The following DMXL1 variants were observed in gnomAD, a reference collection of about 807,000 sequenced individuals.
The protein encoded by DMXL1 is dmX-like protein 1.
A neutral mutation model predicts 319.2 loss-of-function variants in DMXL1; 99 were observed. That is an observed-to-expected ratio of 0.31 (90% CI 0.26 to 0.37). The LOEUF (loss-of-function observed/expected upper bound fraction) is 0.37. Among genes scored for constraint, DMXL1 ranks in the 10% least tolerant of loss-of-function variants. DMXL1 has a pLI of 1.00. For synonymous variants in DMXL1, 1,385 were observed against 1,235.2 expected (o/e 1.12, Z -2.54); for missense variants, 3,745 against 3,595.6 (o/e 1.04, Z -1.06).
chr5:119,169,298 C>G (rs944976952), intron 23 of DMXL1, among the ~76,000 whole-genome samples: 3 of 152,040 alleles, frequency 2.0e-5, no homozygotes, highest in African/African-American at 7.2e-5. Context: ...AAGAAAATTG[C>G]AAAAAATAAT....
At chr5:119,140,791 G>GACAC (rs756798939) in intron 13 of DMXL1, among the ~76,000 whole-genome samples, 19 of 151,886 alleles carry the variant, frequency 1.3e-4, no homozygotes, top group Non-Finnish European at 2.6e-4. Flanking sequence ...AAACCTGGCA[G>GACAC]ACACACACAC....
At chr5:119,179,585 T>C (rs932427650) in intron 28 of DMXL1, among the ~76,000 whole-genome samples, 5 of 152,182 alleles carry the variant, frequency 3.3e-5, no homozygotes, top group African/African-American at 1.2e-4. Context: ...TGAATGAAGC[T>C]ATATTAAAAA....
chr5:119,210,413 A>G (rs1782545546), intron 34 of DMXL1, among the ~76,000 whole-genome samples: 1 of 152,206 alleles, frequency 6.6e-6, no homozygotes, highest in Admixed American at 6.5e-5. Flanking sequence ...TCAGTATTAC[A>G]TTTAGGTCTA....
chr5:119,210,978 G>T (rs1292857247), intron 34 of DMXL1, among the ~76,000 whole-genome samples: 3 of 150,202 alleles, frequency 2.0e-5, no homozygotes, highest in African/African-American at 7.3e-5. Flanking sequence ...TTTTCATAAG[G>T]AAAGGATGTT....
At chr5:119,132,446 C>T (rs1307344583) in intron 10 of DMXL1, among the ~76,000 whole-genome samples, 13 of 151,948 alleles carry the variant, frequency 8.6e-5, no homozygotes, top group Non-Finnish European at 1.5e-5. Flanking sequence ...TTTGGGAGGC[C>T]GAGGCAGGTG....
intron 5 of DMXL1, 151 bp from the exon 6 acceptor site, chr5:119,114,324 T>G: frequency 1.6e-6 from 1 of 631,260 alleles, no homozygotes; most frequent in Non-Finnish European, 2.8e-6. Flanking sequence ...TCTTACTAAC[T>G]AGTTCATTTT....
At chr5:119,100,652 A>T (rs1225619593) in intron 2 of DMXL1, 1 of 150,708 alleles carries the variant, frequency 6.6e-6, no homozygotes, top group Non-Finnish European at 1.5e-5. Flanking sequence ...CCTGGCTCAG[A>T]TCTGCCTTTT....
In DMXL1 at chr5:119,097,649, G is replaced by A. The variant is rs1011834495; in HGVS notation, c.88-330G>A. Among the ~76,000 whole-genome samples, 6 of 152,126 alleles carry A rather than the reference G, an allele frequency of 3.9e-5. No individual in the cohort carries two copies. The East Asian group carries it at 5.8e-4, about 15-fold the overall frequency. The stretch of plus-strand genomic sequence containing the variant: ...GGAGAATGGCGTGAACCTGGGAGGC[G>A]GAACTTGGAGTGAGCCGAGATTGCG... On this transcript the variant is annotated intron_variant, in intron 1 of 43. Transcript: ENST00000539542.
chr5:119,233,329 T>C lies in DMXL1; in HGVS notation c.8339-11T>C. On this transcript the variant is annotated splice_polypyrimidine_tract_variant and intron_variant, in intron 38 of 43. Coordinates refer to ENST00000539542, the MANE Select transcript of DMXL1 (RefSeq NM_001290321.3). ...AAATAAATCTGCAATTTTTGCCCTC[T>C]TGTAATGCAGATCTGACAGGAGCTC... The C allele has an allele frequency of 6.2e-7, 1 of 1,608,880 alleles. No individual in the cohort carries two copies. The highest frequency in any genetic ancestry group is 2.2e-5 in the East Asian group (1 of 44,694).
chr5:119,147,864 T>A (rs563729112), intron 17 of DMXL1, among the ~76,000 whole-genome samples: 1 of 152,144 alleles, frequency 6.6e-6, no homozygotes. Context: ...GAGCAGTGGT[T>A]TTCAAAGTGT....
At chr5:119,226,362 T>A (rs1196557186) in intron 38 of DMXL1, among the ~76,000 whole-genome samples, 1 of 152,218 alleles carries the variant, frequency 6.6e-6, no homozygotes, top group African/African-American at 2.4e-5. Flanking sequence ...ACAGGATTTT[T>A]AAAAATATTA....
intron 1 of DMXL1, among the ~76,000 whole-genome samples, chr5:119,078,380 A>G (rs1241319965): frequency 6.6e-6 from 1 of 152,208 alleles, no homozygotes; most frequent in African/African-American, 2.4e-5. Flanking sequence ...GACCATTTAT[A>G]TGGACTTGGA....
intron 41 of DMXL1, 69 bp downstream of exon 41, chr5:119,239,149 T>C (rs1788296646): frequency 6.6e-7 from 1 of 1,518,504 alleles, no homozygotes; most frequent in Non-Finnish European, 9.0e-7. Context: ...GTTTCTGTCC[T>C]TGTGTTTGAC....
Position 119,170,856 on chromosome 5 carries a change from A to T in DMXL1, c.6065A>T (p.Asp2022Val). ...DENDLLNPSE[D>V]IIAVQLKFRA... ...AATGACCTTTTAAATCCATCAGAAGATATAATTGCAGTTCAGTTAAAATTT... is the reference window on the plus strand; with the variant it reads ...AATGACCTTTTAAATCCATCAGAAGTTATAATTGCAGTTCAGTTAAAATTT... The change falls in exon 24 of 44, where the codon GAT (aspartate) becomes GTT (valine). Residue 2022 changes from aspartate (D) to valine (V), a missense_variant. Coordinates refer to ENST00000539542, the MANE Select transcript of DMXL1 (RefSeq NM_001290321.3). 6.2e-7 allele frequency: 1 copy of T among 1,612,456 alleles called. No individual in the cohort carries two copies. The highest frequency in any genetic ancestry group is 8.5e-7 in the Non-Finnish European group (1 of 1,179,622).
At chr5:119,190,509 CA>C in intron 29 of DMXL1, among the ~76,000 whole-genome samples, 1 of 152,292 alleles carries the variant, frequency 6.6e-6, no homozygotes, top group East Asian at 1.9e-4. Context: ...GCAAAGCATG[CA>C]GTTGTTTTGC....
At chr5:119,199,062 A>T (rs1395863830) in intron 32 of DMXL1, among the ~76,000 whole-genome samples, 1 of 151,888 alleles carries the variant, frequency 6.6e-6, no homozygotes, top group Non-Finnish European at 1.5e-5. Flanking sequence ...AATTTTTTGT[A>T]TTTTTTGTAG....
At position 119,101,887 on chromosome 5, in the gene DMXL1, T is replaced by G. The variant is rs112134776; in HGVS notation, c.214-48T>G. The G allele has an allele frequency of 5.9e-3, 7,521 of 1,268,530 alleles. 322 individuals are homozygous for G. The African/African-American group carries it at 0.096, about 16-fold the overall frequency. 78.6% of individuals were successfully genotyped at this position (1,268,530 alleles called of 1,614,324 possible). A position where few individuals can be genotyped will look rare whatever the true frequency, so the allele number is the denominator to read the frequency against. On this transcript the variant is annotated intron_variant, in intron 2 of 43. Coordinates refer to ENST00000539542, the MANE Select transcript of DMXL1 (RefSeq NM_001290321.3). ...TCATTTCTTTGCTTTTTTTGATTCATAAGTAAGTTAACATATCCCTAATAA... is the reference window on the plus strand; with the variant it reads ...TCATTTCTTTGCTTTTTTTGATTCAGAAGTAAGTTAACATATCCCTAATAA...
chr5:119,114,829 C>T (rs867560361), intron 6 of DMXL1, among the ~76,000 whole-genome samples: 2 of 152,026 alleles, frequency 1.3e-5, no homozygotes, highest in Admixed American at 6.6e-5. Flanking sequence ...CCACTATGCC[C>T]GTCTAATTTT....
At chr5:119,231,973 T>C (rs931583303) in intron 38 of DMXL1, among the ~76,000 whole-genome samples, 2 of 152,050 alleles carry the variant, frequency 1.3e-5, no homozygotes, top group African/African-American at 4.8e-5. Flanking sequence ...ATTTCTTTTT[T>C]TTAAGATTTT....
Sources: gnomAD v4.1 joint callset for allele counts (sites outside exome capture counted in the v4.1 genomes callset) on GRCh38, gnomAD v4.1.1 for gene constraint, MANE v1.5 for transcripts, NCBI Gene and HGNC (gene_info 2026-07-23, HGNC 2026-07-21) for gene names.